Variants in EYA4 observed in about 807,000 individuals in gnomAD.
The protein encoded by EYA4 is protein phosphatase EYA4.
A neutral mutation model predicts 87.9 loss-of-function variants in EYA4; 31 were observed. The ratio of observed to expected loss-of-function variants is 0.35; its 90% CI spans 0.27 to 0.48. The LOEUF is 0.48. Among genes scored for constraint, EYA4 ranks in the 20% least tolerant of loss-of-function variants. EYA4 has a pLI of 0.99. For missense variants in EYA4, 678 were observed against 761.4 expected (o/e 0.89, Z 1.29); for synonymous variants, 263 against 270.6 (o/e 0.97, Z 0.28).
intron 3 of EYA4, among the ~76,000 whole-genome samples, chr6:133,429,001 A>G (rs1304341626): frequency 8.1e-6 from 1 of 122,966 alleles, no homozygotes; most frequent in Non-Finnish European, 1.6e-5. Flanking sequence ...ATCTCGGCTC[A>G]CTGCAACCTC....
intron 2 of EYA4, among the ~76,000 whole-genome samples, chr6:133,286,899 A>T (rs1778106411): frequency 6.6e-6 from 1 of 152,122 alleles, no homozygotes; most frequent in South Asian, 2.1e-4. Context: ...AATTCTTTGT[A>T]GTGTTGGGGA....
chr6:133,293,292 A>T (rs1425142769), intron 2 of EYA4, among the ~76,000 whole-genome samples: 6 of 152,106 alleles, frequency 3.9e-5, no homozygotes, highest in African/African-American at 1.4e-4. Flanking sequence ...CACCTGCAGA[A>T]TGATTTTTTT....
At chr6:133,346,225 C>T (rs1783182906) in intron 2 of EYA4, among the ~76,000 whole-genome samples, 1 of 152,148 alleles carries the variant, frequency 6.6e-6, no homozygotes, top group South Asian at 2.1e-4. Flanking sequence ...TGCTTTCCTT[C>T]TTTTAAATTC....
chr6:133,361,680 A>G (rs575279578), intron 2 of EYA4, among the ~76,000 whole-genome samples: 34 of 152,340 alleles, frequency 2.2e-4, no homozygotes, highest in African/African-American at 7.9e-4. Flanking sequence ...TCCTGGGCCA[A>G]TTGATGAGAT....
In EYA4 at chr6:133,529,209, T is replaced by C. The variant is rs1299021442; in HGVS notation, c.*404T>C. ...CAGCCCTGAGGTTTGAATCTGACTT[T>C]AGCCTACCTAACCCAGAAAATCTGA... On this transcript the variant is annotated 3_prime_UTR_variant, in exon 20 of 20. Transcript: ENST00000355286. 1 of 1,141,946 alleles carries C rather than the reference T, an allele frequency of 8.8e-7. No homozygotes were observed. The highest frequency in any genetic ancestry group is 1.1e-6 in the Non-Finnish European group (1 of 921,636). 70.7% of individuals were successfully genotyped at this position (1,141,946 alleles called of 1,614,324 possible). A position where few individuals can be genotyped will look rare whatever the true frequency, so the allele number is the denominator to read the frequency against.
chr6:133,473,108 A>G (rs889412068), intron 11 of EYA4, among the ~76,000 whole-genome samples: 1 of 152,044 alleles, frequency 6.6e-6, no homozygotes, highest in Non-Finnish European at 1.5e-5. Flanking sequence ...TAATTTGTTC[A>G]AGTATATTTT....
intron 1 of EYA4, among the ~76,000 whole-genome samples, chr6:133,253,336 G>A (rs1031575897): frequency 6.6e-6 from 1 of 152,096 alleles, no homozygotes; most frequent in Non-Finnish European, 1.5e-5. Context: ...GATATTGAAC[G>A]GGAAGCCTAG....
At chr6:133,412,212 T>C (rs1460706775) in intron 3 of EYA4, among the ~76,000 whole-genome samples, 3 of 152,232 alleles carry the variant, frequency 2.0e-5, no homozygotes, top group Non-Finnish European at 4.4e-5. Flanking sequence ...GATCATGACT[T>C]TCATGATGTA....
At chr6:133,514,514 G>A (rs941100319) in intron 16 of EYA4, among the ~76,000 whole-genome samples, 2 of 152,110 alleles carry the variant, frequency 1.3e-5, no homozygotes, top group South Asian at 4.1e-4. Context: ...TTATAATGAG[G>A]ACAAATGAGA....
chr6:133,467,086 C>T (rs371197741), intron 10 of EYA4, among the ~76,000 whole-genome samples: 8 of 151,844 alleles, frequency 5.3e-5, no homozygotes, highest in African/African-American at 1.2e-4. Context: ...GACAAGGGGG[C>T]GACAGTGGAA....
chr6:133,294,726 C>T (rs1283710270), intron 2 of EYA4, among the ~76,000 whole-genome samples: 2 of 151,962 alleles, frequency 1.3e-5, no homozygotes, highest in African/African-American at 4.8e-5. Context: ...AACCACCATG[C>T]GTGGCTAATT....
At chr6:133,261,407 C>T (rs977979529) in intron 1 of EYA4, among the ~76,000 whole-genome samples, 1 of 152,180 alleles carries the variant, frequency 6.6e-6, no homozygotes, top group African/African-American at 2.4e-5. Flanking sequence ...ATACTGAATG[C>T]TGATGCTTTC....
intron 16 of EYA4, among the ~76,000 whole-genome samples, chr6:133,514,728 C>A (rs1299347153): frequency 1.3e-5 from 2 of 152,030 alleles, no homozygotes; most frequent in African/African-American, 4.8e-5. Flanking sequence ...TATTATAATT[C>A]ATGATTGTAA....
At chr6:133,375,216 C>T (rs910133560) in intron 2 of EYA4, among the ~76,000 whole-genome samples, 2 of 151,944 alleles carry the variant, frequency 1.3e-5, no homozygotes, top group Non-Finnish European at 2.9e-5. Context: ...TGAAGATCTT[C>T]ACAACATAAA....
At position 133,301,107 on chromosome 6, in the gene EYA4, G is replaced by A. The variant is rs151053555; in HGVS notation, c.33+26294G>A. ...GCATATCCATGTGAGTCACGCTGAT[G>A]AACAGGATGTGTGTTTGTATTTACG... On this transcript the variant is annotated intron_variant, in intron 2 of 19. Transcript: ENST00000355286. Among the ~76,000 whole-genome samples, 8 of 152,174 alleles carry A rather than the reference G, an allele frequency of 5.3e-5. No homozygotes were observed. The East Asian group carries it at 1.5e-3, about 29-fold the overall frequency.
At chr6:133,448,087 C>G (rs775265299) in intron 4 of EYA4, 24 bp from the exon 5 acceptor site, 3 of 1,597,844 alleles carry the variant, frequency 1.9e-6, no homozygotes, top group African/African-American at 2.7e-5. Context: ...AGACAATGAA[C>G]TTTTATACTG....
intron 3 of EYA4, among the ~76,000 whole-genome samples, chr6:133,432,488 CTT>C (rs377728635): frequency 6.4e-5 from 9 of 141,628 alleles, no homozygotes; most frequent in Admixed American, 7.1e-5. Flanking sequence ...GGCTGGTTGA[CTT>C]TTTTTTTTTT....
intron 2 of EYA4, among the ~76,000 whole-genome samples, chr6:133,356,950 T>A (rs929112359): frequency 6.6e-6 from 1 of 151,860 alleles, no homozygotes; most frequent in Non-Finnish European, 1.5e-5. Flanking sequence ...GAGATTGTCC[T>A]ATTTTAAGAG....
At chr6:133,397,636 A>G (rs1258153606) in intron 3 of EYA4, among the ~76,000 whole-genome samples, 2 of 152,190 alleles carry the variant, frequency 1.3e-5, no homozygotes, top group African/African-American at 2.4e-5. Flanking sequence ...TTTTATTTGC[A>G]TATATGATAT....
Sources: allele counts gnomAD v4.1 joint callset (sites outside exome capture counted in the v4.1 genomes callset), GRCh38; gene constraint gnomAD v4.1.1; transcripts MANE v1.5; gene names NCBI Gene and HGNC (gene_info 2026-07-23, HGNC 2026-07-21).